The following PSRC1 variants were observed in gnomAD, a reference collection of about 807,000 sequenced individuals.
The protein encoded by PSRC1 is proline and serine rich coiled-coil 1, also known as proline/serine-rich coiled-coil protein 1.
Under a neutral mutation model 31.9 loss-of-function variants are expected in PSRC1, and 30 were observed. The observed-to-expected ratio is 0.94, with a 90% CI of 0.70 to 1.28. The LOEUF (loss-of-function observed/expected upper bound fraction) is 1.28. PSRC1 is among the 50% of genes most tolerant of loss of function. The probability of loss-of-function intolerance (pLI) is 0.00; values close to 1 mark genes in which losing one functional copy is unlikely to be tolerated. For missense variants in PSRC1, 481 were observed against 472.8 expected, an observed-to-expected ratio of 1.02 and a Z score of -0.16; for synonymous variants, 191 against 192.1, an observed-to-expected ratio of 0.99 and a Z score of 0.05.
At chr1:109,282,869 C>G (rs1657412970) in intron 1 of PSRC1, 133 bp from the exon 2 acceptor site, 2 of 734,090 alleles carry the variant, frequency 2.7e-6, no homozygotes, top group Non-Finnish European at 4.5e-6. Context: ...TCCCGCACAG[C>G]TACTCCTGCT....
chr1:109,281,753 G>C (rs1358709017), exon 4 of PSRC1: 1 of 1,614,094 alleles, frequency 6.2e-7, no homozygotes, highest in East Asian at 2.2e-5. Context: ...TTCACAGTGG[G>C]CAGCAGGTCT....
chr1:109,281,338 A>G, intron 4 of PSRC1, 87 bp from the exon 5 acceptor site: 1 of 1,183,022 alleles, frequency 8.5e-7, no homozygotes, highest in Non-Finnish European at 1.2e-6. Context: ...AGAGGTGGAG[A>G]GTTGTCTACA....
Position 109,281,053 on chromosome 1 carries a change from G to T in PSRC1, c.718C>A (p.Pro240Thr), listed in dbSNP as rs747067621. ...CTGATGGGGGTGGGTGGGCCTGGTG[G>T]AGAGGGGTGGAGAAATTTCAGGGTC... The change falls in exon 5 of 7, where the codon CCA becomes ACA. Residue 240 changes from proline to threonine, a missense_variant. Transcript: ENST00000409138. The T allele has an allele frequency of 4.3e-6, 7 of 1,613,220 alleles. No individual in the cohort carries two copies. Among genetic ancestry groups the T allele is most frequent in the Non-Finnish European group, 5.9e-6 (7 of 1,179,870 alleles).
At chr1:109,280,430 G>A (rs769884137) in exon 6 of PSRC1, 4 of 1,613,308 alleles carry the variant, frequency 2.5e-6, no homozygotes, top group Admixed American at 3.3e-5. Context: ...TTCCTGGGGG[G>A]CTGCAGATTG....
chr1:109,282,094 T>C (rs1570821177), intron 3 of PSRC1, 34 bp from the exon 4 acceptor site: 1 of 1,451,768 alleles, frequency 6.9e-7, no homozygotes, highest in Non-Finnish European at 9.1e-7. Context: ...ATCATGCCCA[T>C]GCAAAAGGGA....
chr1:109,279,997 C>A lies in PSRC1; in HGVS notation c.*156G>T, dbSNP rs548578032. On this transcript the variant is annotated 3_prime_UTR_variant, in exon 7 of 7. Transcript: ENST00000409138. ...CTCAATCCTAATCCACCCCATTTCC[C>A]ATGGTCTCTACTCCTGGGAGACCAG... 13 of 899,612 alleles carry A rather than the reference C, an allele frequency of 1.4e-5. No homozygotes were observed. In the East Asian group the frequency reaches 2.9e-4, roughly 20 times the overall value. The allele number at this position is 899,612 out of a possible 1,614,324, so 55.7% of individuals were successfully genotyped here. A position where few individuals can be genotyped will look rare whatever the true frequency, so the allele number is the denominator to read the frequency against.
rs1656904890 is a variant in PSRC1 at position 109,280,596 on chromosome 1, C to T, written c.995-107G>A. 3.9e-6 allele frequency: 4 copies of T among 1,018,724 alleles called. No homozygotes were observed. In the African/African-American group the frequency reaches 4.8e-5, roughly 12 times the overall value. The allele number at this position is 1,018,724 out of a possible 1,614,324, so 63.1% of individuals were successfully genotyped here. ...TGTGGGATTAGTACTCTCCCCCTGA[C>T]CATGAGGTATTTGAAAACTAAGACT... is the stretch of plus-strand genomic sequence containing the variant. On this transcript the variant is annotated intron_variant, in intron 5 of 6. Coordinates refer to ENST00000409138, the Ensembl canonical transcript of PSRC1.
chr1:109,281,093 C>T (rs1260964876), exon 5 of PSRC1: 3 of 1,613,336 alleles, frequency 1.9e-6, no homozygotes, highest in East Asian at 2.2e-5. Flanking sequence ...CCACAAACTC[C>T]CCACTCCCAC....
exon 5 of PSRC1, chr1:109,281,220 G>A (rs267597904): frequency 1.4e-5 from 23 of 1,609,708 alleles, no homozygotes; most frequent in Non-Finnish European, 1.9e-5. Flanking sequence ...TGGGCTTTTG[G>A]ATGCAGGGAA....
exon 6 of PSRC1, chr1:109,280,418 C>T (rs1656861456): frequency 6.2e-7 from 1 of 1,612,604 alleles, no homozygotes; most frequent in Non-Finnish European, 8.5e-7. Flanking sequence ...GGGACTGCCA[C>T]TTTCCTGGGG....
chr1:109,281,144 T>A (rs1471967037), exon 5 of PSRC1: 1 of 1,613,504 alleles, frequency 6.2e-7, no homozygotes, highest in Non-Finnish European at 8.5e-7. Context: ...CACTGGCTGC[T>A]GCTCTCCCAC....
intron 3 of PSRC1, 117 bp downstream of exon 3, chr1:109,282,401 G>A (rs1657322812): frequency 1.9e-5 from 17 of 914,122 alleles, no homozygotes; most frequent in Non-Finnish European, 2.9e-5. Context: ...CCGCCCAGCA[G>A]CCCCAAGTGC....
chr1:109,280,676 T>G, intron 5 of PSRC1, 101 bp downstream of exon 6: 2 of 1,066,380 alleles, frequency 1.9e-6, no homozygotes, highest in Non-Finnish European at 1.3e-6. Flanking sequence ...CATCTTCCAA[T>G]TGAATTGCAA....
Position 109,281,057 on chromosome 1 carries a change from G to A in PSRC1, c.714C>T (p.Pro238=). The A allele has an allele frequency of 4.3e-6, 7 of 1,613,350 alleles. No individual in the cohort carries two copies. The highest frequency in any genetic ancestry group is 5.9e-6 in the Non-Finnish European group (7 of 1,179,852). Residue 238 remains proline, a synonymous_variant, in exon 5 of 7, where the codon CCC becomes CCT. Coordinates refer to ENST00000409138, the Ensembl canonical transcript of PSRC1. ...TGGGGGTGGGTGGGCCTGGTGGAGA[G>A]GGGTGGAGAAATTTCAGGGTCAATC... is the stretch of plus-strand genomic sequence containing the variant.
chr1:109,280,253 T>G, intron 6 of PSRC1, 97 bp from the exon 8 acceptor site: 1 of 1,497,694 alleles, frequency 6.7e-7, no homozygotes, highest in South Asian at 1.1e-5. Flanking sequence ...TGGGAAGAAA[T>G]GGGATCCCCC....
Position 109,281,826 on chromosome 1 carries a change from CCCCAGGCCCTCGCCTGCGCTCT to C in PSRC1, c.290_311del (p.Glu97GlyfsTer5). 2 of 1,613,950 alleles carry C rather than the reference CCCCAGGCCCTCGCCTGCGCTCT, an allele frequency of 1.2e-6. No individual in the cohort carries two copies. Among genetic ancestry groups the C allele is most frequent in the Non-Finnish European group, 1.7e-6 (2 of 1,179,968 alleles). The stretch of plus-strand genomic sequence containing the variant: ...GAGGACTGGGCTTCACTCGGCGAGG[CCCCAGGCCCTCGCCTGCGCTCT>C]CCCGATCCTGCAGGGCACACTGCTC... On this transcript the variant is annotated frameshift_variant, in exon 4 of 7. Transcript: ENST00000409138. LOFTEE classifies it high-confidence loss of function.
chr1:109,282,355 G>A (rs572663456), intron 3 of PSRC1, 163 bp downstream of exon 3: 13 of 647,442 alleles, frequency 2.0e-5, no homozygotes, highest in East Asian at 1.4e-4. Context: ...TTCTCTCCCC[G>A]CTACCAATAG....
intron 3 of PSRC1, 60 bp downstream of exon 3, chr1:109,282,458 A>T (rs2101404694): frequency 5.3e-6 from 8 of 1,500,224 alleles, no homozygotes; most frequent in Non-Finnish European, 7.4e-6. Context: ...TTCAGCAGTA[A>T]GGGATTCGAG....
chr1:109,280,254 G>A, intron 6 of PSRC1, 98 bp from the exon 8 acceptor site: 1 of 1,487,434 alleles, frequency 6.7e-7, no homozygotes, highest in South Asian at 1.1e-5. Flanking sequence ...GGGAAGAAAT[G>A]GGATCCCCCT....
Sources: allele counts gnomAD v4.1 joint callset, GRCh38; gene constraint gnomAD v4.1.1; transcripts MANE v1.5; gene names NCBI Gene and HGNC (gene_info 2026-07-23, HGNC 2026-07-21).